ZFAT: variants seen among roughly 807,000 people sequenced by gnomAD.
ZFAT encodes the protein zinc finger protein ZFAT.
Under a neutral mutation model 117.7 loss-of-function variants are expected in ZFAT, and 64 were observed. The ratio of observed to expected loss-of-function variants is 0.54; its 90% CI spans 0.44 to 0.67. The LOEUF (loss-of-function observed/expected upper bound fraction) is 0.67, where lower values mean the gene tolerates loss of function less well. Ranked by LOEUF, ZFAT falls within the 30% of genes least tolerant of loss-of-function variation. The probability of loss-of-function intolerance (pLI) is 0.00; values close to 1 mark genes in which losing one functional copy is unlikely to be tolerated. For missense variants in ZFAT, 1,433 were observed against 1,584.5 expected, an observed-to-expected ratio of 0.90 and a Z score of 1.62; for synonymous variants, 679 against 615.0, an observed-to-expected ratio of 1.10 and a Z score of -1.54.
chr8:134,610,921 G>T (rs1463611618), intron 3 of ZFAT, among the ~76,000 whole-genome samples: 1 of 152,212 alleles, frequency 6.6e-6, no homozygotes, highest in East Asian at 1.9e-4. Flanking sequence ...TTCTTGTCTT[G>T]TCTTGTCTTC....
the ZFAT span, chr8:134,785,082 CAT>C: frequency 6.6e-6 from 1 of 152,164 alleles, no homozygotes; most frequent in Non-Finnish European, 1.5e-5. Context: ...ATTTTCTCAA[CAT>C]GTTTGCCAAT....
the ZFAT span, among the ~76,000 whole-genome samples, chr8:134,823,704 T>C: frequency 5.9e-5 from 9 of 152,322 alleles, no homozygotes; most frequent in Non-Finnish European, 8.8e-5. Context: ...TTTAATCGCA[T>C]ATGAAATATT....
intron 11 of ZFAT, among the ~76,000 whole-genome samples, chr8:134,561,953 T>C (rs721000): frequency 0.76 from 115,418 of 152,140 alleles, 44,020 homozygotes; most frequent in East Asian, 0.91. Context: ...CCCGTAAATA[T>C]GTTACCTTGC....
the ZFAT span, among the ~76,000 whole-genome samples, chr8:134,773,178 T>A: frequency 6.6e-6 from 1 of 152,006 alleles, no homozygotes; most frequent in African/African-American, 2.4e-5. Context: ...CTAATGCAGC[T>A]GGTGACTTTA....
the ZFAT span, among the ~76,000 whole-genome samples, chr8:134,758,260 A>G: frequency 1.3e-5 from 2 of 152,224 alleles, no homozygotes; most frequent in East Asian, 1.9e-4. Flanking sequence ...GATCCTGGGT[A>G]TGATCACCCA....
At chr8:134,535,412 T>A (rs1341963575) in intron 11 of ZFAT, among the ~76,000 whole-genome samples, 1 of 152,074 alleles carries the variant, frequency 6.6e-6, no homozygotes, top group Admixed American at 6.5e-5. Flanking sequence ...TCCTTCTTTC[T>A]TACTATTCAA....
intron 3 of ZFAT, among the ~76,000 whole-genome samples, chr8:134,619,521 C>T (rs925887196): frequency 7.2e-5 from 11 of 152,142 alleles, no homozygotes; most frequent in Non-Finnish European, 1.2e-4. Flanking sequence ...GCTTGCCTGT[C>T]TATTTGTTTA....
At chr8:134,757,913 T>C in the ZFAT span, among the ~76,000 whole-genome samples, 1 of 152,192 alleles carries the variant, frequency 6.6e-6, no homozygotes, top group Non-Finnish European at 1.5e-5. Flanking sequence ...TTATTGTGCC[T>C]GCAAGCTCAA....
At chr8:134,615,096 G>A (rs1341221469) in intron 3 of ZFAT, among the ~76,000 whole-genome samples, 1 of 152,208 alleles carries the variant, frequency 6.6e-6, no homozygotes, top group African/African-American at 2.4e-5. Context: ...TCTGCGCTGA[G>A]TGCAGGCTCT....
chr8:134,484,171 G>A (rs10101333), intron 15 of ZFAT, among the ~76,000 whole-genome samples: 24,398 of 152,126 alleles, frequency 0.16, 2,198 homozygotes, highest in African/African-American at 0.23. Flanking sequence ...AGGAGCCAGT[G>A]CACAAAGGCT....
intron 7 of ZFAT, among the ~76,000 whole-genome samples, chr8:134,591,990 C>T (rs1826539577): frequency 6.6e-6 from 1 of 151,180 alleles, no homozygotes; most frequent in African/African-American, 2.4e-5. Context: ...GAGCCAAACC[C>T]TGGTAGGGAG....
chr8:134,673,123 G>A (rs1257979328), intron 1 of ZFAT: 1 of 152,052 alleles, frequency 6.6e-6, no homozygotes, highest in African/African-American at 2.4e-5. Context: ...CTTCTGCTCT[G>A]AGATGTTGAT....
At chr8:134,690,536 T>C (rs1015355088) in intron 1 of ZFAT, among the ~76,000 whole-genome samples, 7 of 152,214 alleles carry the variant, frequency 4.6e-5, no homozygotes, top group African/African-American at 1.7e-4. Flanking sequence ...TATATTGGGC[T>C]CAGTTATATA....
chr8:134,812,119 G>A, the ZFAT span, among the ~76,000 whole-genome samples: 1 of 151,920 alleles, frequency 6.6e-6, no homozygotes, highest in African/African-American at 2.4e-5. Flanking sequence ...ACTGCAGCCT[G>A]GGCGACAAGA....
the ZFAT span, among the ~76,000 whole-genome samples, chr8:134,790,076 G>A: frequency 1.3e-5 from 2 of 152,158 alleles, no homozygotes; most frequent in Non-Finnish European, 2.9e-5. Flanking sequence ...CTAAATGGTA[G>A]AAATTTTTAT....
rs183819200 is a variant in ZFAT at position 134,709,453 on chromosome 8, C to A, written c.19+3392G>T. Among the ~76,000 whole-genome samples, 16 of 152,332 alleles carry A rather than the reference C, an allele frequency of 1.1e-4. No individual in the cohort carries two copies. In the East Asian group the frequency reaches 3.1e-3, roughly 29 times the overall value. Reference sequence around the variant, plus strand: ...GAGAGGCAGATCTCTGGAGCCAGAGCACGTGCTCTTTCTACCCTCCTAAAT... The same window carrying A: ...GAGAGGCAGATCTCTGGAGCCAGAGAACGTGCTCTTTCTACCCTCCTAAAT... On this transcript the variant is annotated intron_variant, in intron 1 of 15. Transcript: ENST00000377838.
Position 134,588,406 on chromosome 8 carries a change from A to C in ZFAT, c.2564-11T>G. The C allele has an allele frequency of 1.3e-6, 2 of 1,566,942 alleles. No homozygotes were observed. Among genetic ancestry groups the C allele is most frequent in the South Asian group, 1.2e-5 (1 of 83,948 alleles). Reference sequence around the variant, plus strand: ...TGCTCATGGAGACCTCTAGAAGAAAAGCAGGATGTCAAAAGGAGTCAGAGC... The same window carrying C: ...TGCTCATGGAGACCTCTAGAAGAAACGCAGGATGTCAAAAGGAGTCAGAGC... On this transcript the variant is annotated splice_polypyrimidine_tract_variant and intron_variant, in intron 8 of 15. Coordinates refer to ENST00000377838, the MANE Select transcript of ZFAT (RefSeq NM_020863.4).
chr8:134,708,857 C>G (rs1813884277), intron 1 of ZFAT, among the ~76,000 whole-genome samples: 1 of 152,176 alleles, frequency 6.6e-6, no homozygotes, highest in Admixed American at 6.5e-5. Context: ...GAGGCTGAGG[C>G]AGGAGAATCG....
intron 9 of ZFAT, among the ~76,000 whole-genome samples, chr8:134,586,784 A>C (rs1245219880): frequency 6.6e-6 from 1 of 152,218 alleles, no homozygotes; most frequent in African/African-American, 2.4e-5. Context: ...TTCTGAAACA[A>C]GTCAGTTCAG....
Sources: gnomAD v4.1 joint callset for allele counts (sites outside exome capture counted in the v4.1 genomes callset) on GRCh38, gnomAD v4.1.1 for gene constraint, MANE v1.5 for transcripts, NCBI Gene and HGNC (gene_info 2026-07-23, HGNC 2026-07-21) for gene names.